ROCK1: variants seen among roughly 807,000 people sequenced by gnomAD.
The protein encoded by ROCK1 is Rho associated coiled-coil containing protein kinase 1.
A neutral mutation model predicts 196.8 loss-of-function variants in ROCK1; 36 were observed. That is an observed-to-expected ratio of 0.18 (90% CI 0.14 to 0.24). The LOEUF is 0.24. Ranked by LOEUF, ROCK1 falls within the 10% of genes least tolerant of loss-of-function variation. The pLI, the probability that ROCK1 is intolerant of heterozygous loss-of-function variation, is 1.00. For missense variants in ROCK1, 920 were observed against 1,562.0 expected (o/e 0.59, Z 6.93); for synonymous variants, 443 against 515.9 (o/e 0.86, Z 1.91).
At chr18:21,074,366 T>C (rs1165823157) in intron 1 of ROCK1, among the ~76,000 whole-genome samples, 3 of 152,162 alleles carry the variant, frequency 2.0e-5, no homozygotes, top group Non-Finnish European at 2.9e-5. Context: ...AATAAGTAAA[T>C]AATGTTCCAA....
At position 21,111,226 on chromosome 18, in the gene ROCK1, C is replaced by CG. The variant is rs2036749092; in HGVS notation, c.-317dup. On this transcript the variant is annotated 5_prime_UTR_variant, in exon 1 of 33. The change abolishes the stop of an existing upstream ORF in the 5' untranslated region. Transcript: ENST00000399799. This position sits in a 1 kb window ranked among gnomAD's most constrained non-coding sequence, Gnocchi z 4.2. ...CGAGGTGCTTCAGTCTAGCGGGCCC[C>CG]GGCCGCCGTCGCCATGGAGGGGTCC... 1 of 495,124 alleles carries CG rather than the reference C, an allele frequency of 2.0e-6. No individual in the cohort carries two copies. The highest frequency in any genetic ancestry group is 3.4e-5 in the South Asian group (1 of 29,204). 30.7% of individuals were successfully genotyped at this position (495,124 alleles called of 1,614,324 possible).
At chr18:21,098,327 CAT>C (rs757920881) in intron 1 of ROCK1, among the ~76,000 whole-genome samples, 46 of 152,164 alleles carry the variant, frequency 3.0e-4, no homozygotes, top group Middle Eastern at 6.8e-3. Context: ...AACCAACAAA[CAT>C]AGGCATTTTT....
chr18:20,960,078 G>T, intron 28 of ROCK1, 58 bp downstream of exon 28: 4 of 1,234,774 alleles, frequency 3.2e-6, no homozygotes, highest in Non-Finnish European at 3.6e-6. Context: ...TAAGTTCTAT[G>T]CTCCAAAGTA....
intron 16 of ROCK1, among the ~76,000 whole-genome samples, chr18:21,000,384 C>T (rs1277730118): frequency 2.6e-5 from 4 of 152,018 alleles, no homozygotes; most frequent in Non-Finnish European, 4.4e-5. Context: ...GGCCTCAGTC[C>T]CCCAAGTAGC....
At chr18:21,033,903 G>A (rs1192354418) in intron 9 of ROCK1, among the ~76,000 whole-genome samples, 2 of 129,438 alleles carry the variant, frequency 1.5e-5, no homozygotes, top group Admixed American at 8.2e-5. Context: ...GTGTGCTGGC[G>A]GGTGCCTGTA....
intron 22 of ROCK1, among the ~76,000 whole-genome samples, chr18:20,975,898 A>T (rs2035476079): frequency 6.6e-6 from 1 of 152,216 alleles, no homozygotes; most frequent in African/African-American, 2.4e-5. Flanking sequence ...GGCGTGAGCC[A>T]CCATGCCCGG....
chr18:20,993,423 A>G (rs2035644147), intron 16 of ROCK1, among the ~76,000 whole-genome samples: 1 of 152,106 alleles, frequency 6.6e-6, no homozygotes, highest in Non-Finnish European at 1.5e-5. Context: ...GGATGGTCTC[A>G]ATCCCCTGAC....
rs1598558189 is a variant in ROCK1, at chr18:21,086,839, A to C, written c.94-16226T>G. Among the ~76,000 whole-genome samples the C allele has an allele frequency of 3.3e-5, 5 of 152,270 alleles. No individual in the cohort carries two copies. The South Asian group carries it at 1.0e-3, about 32-fold the overall frequency. ...TGTCACAAGCAGACATTCTAAAATAATGGTTAAAGGAAATTCTCTAAATAG... is the reference window on the plus strand; with the variant it reads ...TGTCACAAGCAGACATTCTAAAATACTGGTTAAAGGAAATTCTCTAAATAG... On this transcript the variant is annotated intron_variant, in intron 1 of 32. Transcript: ENST00000399799.
intron 14 of ROCK1, among the ~76,000 whole-genome samples, chr18:21,007,489 A>AT (rs1238730631): frequency 2.6e-5 from 4 of 151,904 alleles, no homozygotes; most frequent in Admixed American, 6.6e-5. Context: ...CATTGACTGC[A>AT]TTTTTTTTGT....
intron 1 of ROCK1, among the ~76,000 whole-genome samples, chr18:21,101,765 G>A (rs1405630953): frequency 6.6e-6 from 1 of 151,986 alleles, no homozygotes; most frequent in Non-Finnish European, 1.5e-5. Context: ...AATAGACACT[G>A]TTTTAGACAA....
At chr18:20,970,548 A>G in intron 22 of ROCK1, 35 bp from the exon 23 acceptor site, 1 of 1,460,966 alleles carries the variant, frequency 6.8e-7, no homozygotes, top group Non-Finnish European at 9.4e-7. Context: ...TGATGTAAAC[A>G]AATTCAGTTC....
chr18:21,080,552 A>G (rs1440781348), intron 1 of ROCK1, among the ~76,000 whole-genome samples: 1 of 152,164 alleles, frequency 6.6e-6, no homozygotes, highest in African/African-American at 2.4e-5. Flanking sequence ...GACAAAATGG[A>G]TTTTAAAAAA....
At chr18:21,022,119 G>A (rs1319356448) in intron 11 of ROCK1, among the ~76,000 whole-genome samples, 1 of 151,540 alleles carries the variant, frequency 6.6e-6, no homozygotes, top group African/African-American at 2.4e-5. Context: ...CCTCTCCTCT[G>A]TTAAAAATAT....
chr18:21,001,491 G>A (rs2035723638), intron 16 of ROCK1, among the ~76,000 whole-genome samples: 1 of 152,210 alleles, frequency 6.6e-6, no homozygotes, highest in Non-Finnish European at 1.5e-5. Context: ...GAGGCTGCCA[G>A]GCATGGTGGC....
chr18:21,052,304 A>G (rs1411837544), intron 2 of ROCK1, among the ~76,000 whole-genome samples: 2 of 152,362 alleles, frequency 1.3e-5, no homozygotes, highest in East Asian at 3.9e-4. Flanking sequence ...GAACTAATAA[A>G]GAACTTAATG....
chr18:20,953,024 A>G (rs1303497447), intron 32 of ROCK1, among the ~76,000 whole-genome samples: 1 of 152,174 alleles, frequency 6.6e-6, no homozygotes, highest in Non-Finnish European at 1.5e-5. Flanking sequence ...CCTAATGTAG[A>G]TGATGGGTTG....
At position 20,990,693 on chromosome 18, in the gene ROCK1, C is replaced by CAAA. The variant is rs1170099682; in HGVS notation, c.2143+480_2143+482dup. On this transcript the variant is annotated intron_variant, in intron 18 of 32. Transcript: ENST00000399799. Reference sequence around the variant, plus strand: ...GGGAGACAAGAGCAAAACTTCGTCTCAAAAAAAAAAAAAAAAAAAAAAAAA... The same window carrying CAAA: ...GGGAGACAAGAGCAAAACTTCGTCTCAAAAAAAAAAAAAAAAAAAAAAAAAAAA... Among the ~76,000 whole-genome samples, 154 of 22,582 alleles carry CAAA rather than the reference C, an allele frequency of 6.8e-3. 11 individuals are homozygous for CAAA. Among genetic ancestry groups the CAAA allele is most frequent in the African/African-American group, 0.011 (103 of 9,368 alleles). The allele number at this position is 22,582 out of a possible 152,430, so 14.8% of individuals were successfully genotyped here.
At chr18:21,071,176 T>C (rs1000222833) in intron 1 of ROCK1, among the ~76,000 whole-genome samples, 3 of 133,322 alleles carry the variant, frequency 2.3e-5, no homozygotes, top group African/African-American at 5.5e-5. Flanking sequence ...TTTGCATTTT[T>C]TCTGCTTTTT....
At chr18:21,098,937 A>G (rs1436732723) in intron 1 of ROCK1, among the ~76,000 whole-genome samples, 1 of 152,234 alleles carries the variant, frequency 6.6e-6, no homozygotes, top group Non-Finnish European at 1.5e-5. Flanking sequence ...AAGTCTTACA[A>G]CATATTGTTG....
Sources: allele counts gnomAD v4.1 joint callset (sites outside exome capture counted in the v4.1 genomes callset), GRCh38; gene constraint gnomAD v4.1.1; non-coding constraint Gnocchi (gnomAD v3.1); transcripts MANE v1.5; gene names NCBI Gene and HGNC (gene_info 2026-07-23, HGNC 2026-07-21).